MORC2: variants seen among roughly 807,000 people sequenced by gnomAD.
MORC2 encodes the protein MORC family CW-type zinc finger 2.
A neutral mutation model predicts 136.0 loss-of-function variants in MORC2; 30 were observed. The observed-to-expected ratio is 0.22, with a 90% CI of 0.17 to 0.30. The LOEUF (loss-of-function observed/expected upper bound fraction) is 0.30. Among genes scored for constraint, MORC2 ranks in the 10% least tolerant of loss-of-function variants. The pLI, the probability that MORC2 is intolerant of heterozygous loss-of-function variation, is 1.00. For missense variants in MORC2, 922 were observed against 1,333.1 expected, an observed-to-expected ratio of 0.69 and a Z score of 4.80; for synonymous variants, 439 against 487.0, an observed-to-expected ratio of 0.90 and a Z score of 1.30.
intron 6 of MORC2, among the ~76,000 whole-genome samples, chr22:30,944,461 C>T (rs1046764663): frequency 1.3e-5 from 2 of 152,022 alleles, no homozygotes; most frequent in East Asian, 3.9e-4. Context: ...GTCCCTCTGG[C>T]CCCCTTCTCC....
chr22:30,959,942 C>T (rs1343579138), intron 1 of MORC2, among the ~76,000 whole-genome samples: 1 of 152,186 alleles, frequency 6.6e-6, no homozygotes, highest in Non-Finnish European at 1.5e-5. Flanking sequence ...TCAAGTAACT[C>T]CAAATTTTTA....
chr22:30,967,208 T>C, intron 1 of MORC2: 1 of 985,710 alleles, frequency 1.0e-6, no homozygotes, highest in South Asian at 4.7e-5. Context: ...CTTCATGAAC[T>C]CAAGAACCAT....
intron 24 of MORC2, among the ~76,000 whole-genome samples, chr22:30,930,579 T>C (rs1002746141): frequency 5.9e-5 from 9 of 152,184 alleles, no homozygotes; most frequent in Middle Eastern, 3.2e-3. Flanking sequence ...TTTCTTCAAC[T>C]CCTGCTTCAT....
At chr22:30,963,384 A>G (rs573826657) in intron 1 of MORC2, 4 of 777,880 alleles carry the variant, frequency 5.1e-6, no homozygotes, top group Non-Finnish European at 6.1e-6. Flanking sequence ...TCAACTGATT[A>G]TGGCTTTTTT....
chr22:30,930,751 C>G (rs1602475190), intron 24 of MORC2, among the ~76,000 whole-genome samples: 1 of 152,178 alleles, frequency 6.6e-6, no homozygotes, highest in East Asian at 1.9e-4. Context: ...TCCTAGAAAA[C>G]TTAGCTATTC....
intron 21 of MORC2, 111 bp downstream of exon 21, chr22:30,933,355 G>T: frequency 8.2e-7 from 1 of 1,222,170 alleles, no homozygotes; most frequent in Non-Finnish European, 1.2e-6. Flanking sequence ...CAAGAGCCCA[G>T]ACCCAGGACA....
intron 3 of MORC2, among the ~76,000 whole-genome samples, chr22:30,953,656 A>G (rs1227788295): frequency 6.6e-6 from 1 of 152,190 alleles, no homozygotes; most frequent in Non-Finnish European, 1.5e-5. Flanking sequence ...TGTGTTAATC[A>G]TTGCCCTGGC....
intron 4 of MORC2, 27 bp downstream of exon 4, chr22:30,950,350 C>CCCCA: frequency 8.0e-7 from 1 of 1,250,072 alleles, no homozygotes; most frequent in Non-Finnish European, 1.2e-6. Context: ...CCCCCCCACC[C>CCCCA]CCCAAAACAA....
Position 30,946,347 on chromosome 22 carries a change from A to G in MORC2, c.420T>C (p.Ile140=). 1 of 1,607,542 alleles carries G rather than the reference A, an allele frequency of 6.2e-7. No homozygotes were observed. Among genetic ancestry groups the G allele is most frequent in the Non-Finnish European group, 8.5e-7 (1 of 1,176,456 alleles). The change falls in exon 6 of 26, where the codon ATT becomes ATC. Residue 140 remains isoleucine (I), a synonymous_variant. Coordinates refer to ENST00000397641, the MANE Select transcript of MORC2 (RefSeq NM_001303256.3). ...LSRTFHEEEG[I]DEVIVPLPTW... ...CCACGATGATGGGACCTACTTCATC[A>G]ATGCCTTCTTCCTCATGAAACGTGC...
chr22:30,955,269 A>G (rs1218872116), intron 3 of MORC2, among the ~76,000 whole-genome samples: 7 of 152,084 alleles, frequency 4.6e-5, no homozygotes, highest in African/African-American at 1.7e-4. Context: ...TGGCCTGAGC[A>G]TTTAGTAATC....
intron 1 of MORC2, among the ~76,000 whole-genome samples, chr22:30,964,920 AC>A (rs2041103710): frequency 1.7e-5 from 1 of 57,418 alleles, no homozygotes; most frequent in Admixed American, 1.6e-4. Flanking sequence ...ATAGAGTAAC[AC>A]TCACCATTCA....
chr22:30,960,343 T>C (rs1418810469), intron 1 of MORC2, among the ~76,000 whole-genome samples: 23 of 152,210 alleles, frequency 1.5e-4, no homozygotes, highest in Admixed American at 1.2e-3. Flanking sequence ...GATCAGTGAA[T>C]ATATGTGCTG....
Position 30,934,334 on chromosome 22 carries a change from G to A in MORC2, c.2194-143C>T, listed in dbSNP as rs2147246784. On this transcript the variant is annotated intron_variant, in intron 19 of 25. Coordinates refer to ENST00000397641, the MANE Select transcript of MORC2 (RefSeq NM_001303256.3). The surrounding 1 kb of genome is among the most constrained non-coding windows in gnomAD (Gnocchi z 4.4). ...CCTGACATTACTTGGAATGTACACA[G>A]GCAACCCACTGGCCCCTGCGCCATA... is the stretch of plus-strand genomic sequence containing the variant. The A allele has an allele frequency of 8.1e-7, 1 of 1,233,736 alleles. No individual in the cohort carries two copies. The highest frequency in any genetic ancestry group is 1.5e-5 in the South Asian group (1 of 65,408). The allele number at this position is 1,233,736 out of a possible 1,614,324, so 76.4% of individuals were successfully genotyped here. A position where few individuals can be genotyped will look rare whatever the true frequency, so the allele number is the denominator to read the frequency against.
In MORC2 at chr22:30,933,524, C is replaced by T. The variant is rs745425092; in HGVS notation, c.2326-4G>A. 2.5e-6 allele frequency: 4 copies of T among 1,613,558 alleles called. No homozygotes were observed. Among genetic ancestry groups the T allele is most frequent in the East Asian group, 2.2e-5 (1 of 44,856 alleles). On this transcript the variant is annotated splice_polypyrimidine_tract_variant and splice_region_variant and intron_variant, in intron 20 of 25. Coordinates refer to ENST00000397641, the MANE Select transcript of MORC2 (RefSeq NM_001303256.3). ...CTTCCCCAGCACTGTCTGAGAGCTGCGTGGAGAGCAGTCTATTAGAGGCAT... is the reference window on the plus strand; with the variant it reads ...CTTCCCCAGCACTGTCTGAGAGCTGTGTGGAGAGCAGTCTATTAGAGGCAT...
At chr22:30,950,738 A>G (rs942253960) in intron 3 of MORC2, among the ~76,000 whole-genome samples, 1 of 152,178 alleles carries the variant, frequency 6.6e-6, no homozygotes, top group African/African-American at 2.4e-5. Context: ...TACCTCACAC[A>G]TATCTCAATC....
chr22:30,956,832 A>T (rs1569202342), intron 2 of MORC2, 35 bp from the exon 3 acceptor site: 6 of 1,495,668 alleles, frequency 4.0e-6, no homozygotes, highest in Non-Finnish European at 5.5e-6. Flanking sequence ...ATGTGAATTA[A>T]TATGAAATAT....
At chr22:30,938,235 T>A (rs2040686584) in intron 12 of MORC2, 30 bp from the exon 13 acceptor site, 2 of 1,612,198 alleles carry the variant, frequency 1.2e-6, no homozygotes, top group African/African-American at 2.7e-5. Context: ...CAAGCAGATC[T>A]ACACATCGGC....
At chr22:30,927,921 T>G in intron 25 of MORC2, 98 bp downstream of exon 25, 2 of 1,432,218 alleles carry the variant, frequency 1.4e-6, no homozygotes, top group Non-Finnish European at 1.9e-6. Flanking sequence ...TAGATTCCTG[T>G]GAGTGGATAG....
At chr22:30,938,325 T>C in intron 12 of MORC2, 120 bp from the exon 13 acceptor site, 1 of 1,136,984 alleles carries the variant, frequency 8.8e-7, no homozygotes. Context: ...TTTGTATCTC[T>C]ATTTGATGTG....
Sources: allele counts gnomAD v4.1 joint callset (sites outside exome capture counted in the v4.1 genomes callset), GRCh38; gene constraint gnomAD v4.1.1; non-coding constraint Gnocchi (gnomAD v3.1); transcripts MANE v1.5; gene names NCBI Gene and HGNC (gene_info 2026-07-23, HGNC 2026-07-21).